The following RGS22 variants were observed in gnomAD, a reference collection of about 807,000 sequenced individuals.
RGS22 encodes the protein regulator of G-protein signaling 22.
Under a neutral mutation model 172.9 loss-of-function variants are expected in RGS22, and 148 were observed. The ratio of observed to expected loss-of-function variants is 0.86; its 90% CI spans 0.75 to 0.98. The LOEUF is 0.98. RGS22 is among the 50% of genes least tolerant of loss of function. RGS22 has a pLI of 0.00. For synonymous variants in RGS22, 458 were observed against 480.2 expected (o/e 0.95, Z 0.60); for missense variants, 1,347 against 1,440.8 (o/e 0.93, Z 1.05).
chr8:100,069,115 A>C (rs1287678671), intron 6 of RGS22, among the ~76,000 whole-genome samples: 1 of 152,192 alleles, frequency 6.6e-6, no homozygotes. Context: ...TAGCAGATGC[A>C]AATGAAAAAA....
chr8:100,070,279 A>G (rs1038304168), intron 6 of RGS22, among the ~76,000 whole-genome samples: 2 of 152,168 alleles, frequency 1.3e-5, no homozygotes, highest in Non-Finnish European at 2.9e-5. Context: ...ATTTTTATCA[A>G]TCCTTTGCTC....
At chr8:100,065,945 A>G (rs1030012150) in intron 7 of RGS22, among the ~76,000 whole-genome samples, 1 of 152,240 alleles carries the variant, frequency 6.6e-6, no homozygotes, top group African/African-American at 2.4e-5. Context: ...GGAAAAACTC[A>G]TCAAACATCA....
chr8:100,019,743 T>C (rs1033885519), intron 14 of RGS22, among the ~76,000 whole-genome samples: 2 of 152,054 alleles, frequency 1.3e-5, no homozygotes, highest in Non-Finnish European at 2.9e-5. Context: ...GACTAAAAAG[T>C]AAAAGAGGGA....
At position 99,978,034 on chromosome 8, in the gene RGS22, G is replaced by T. The variant is rs1302552458; in HGVS notation, c.3402C>A (p.Phe1134Leu). ...FGVLFKFWPQFCEFRKNLTDE... is the reference protein window; with the variant it reads ...FGVLFKFWPQLCEFRKNLTDE... ...CTGTTAAATTCTTCCTAAACTCACA[G>T]AACTGAGGCCAGAATTTAAACAGAA... Residue 1134 changes from phenylalanine to leucine, a missense_variant, in exon 23 of 28, where the codon TTC (phenylalanine) becomes TTA (leucine). Physicochemically the swap from Phe to Leu is conservative, Grantham distance 22 (BLOSUM62 0). Transcript: ENST00000360863. The T allele has an allele frequency of 6.5e-7, 1 of 1,534,700 alleles. No individual in the cohort carries two copies. The highest frequency in any genetic ancestry group is 2.5e-5 in the Admixed American group (1 of 40,686).
Position 99,978,081 on chromosome 8 carries a change from T to TAA in RGS22, c.3361-8_3361-7dup. ...AGAACCCCAAAAATTGTCATCTGTATAAAAAAAAGTCTAAGATTACAATTT... is the reference window on the plus strand; with the variant it reads ...AGAACCCCAAAAATTGTCATCTGTATAAAAAAAAAAGTCTAAGATTACAATTT... On this transcript the variant is annotated splice_polypyrimidine_tract_variant and splice_region_variant and intron_variant, in intron 22 of 27. Transcript: ENST00000360863. 6.7e-7 allele frequency: 1 copy of TAA among 1,493,598 alleles called. No homozygotes were observed. The highest frequency in any genetic ancestry group is 8.9e-7 in the Non-Finnish European group (1 of 1,126,970). The allele number at this position is 1,493,598 out of a possible 1,614,324, so 92.5% of individuals were successfully genotyped here.
At chr8:100,105,506 A>G (rs1471293) in intron 1 of RGS22, 104 bp from the exon 2 acceptor site, 549,519 of 922,706 alleles carry the variant, frequency 0.6, 167,363 homozygotes, top group African/African-American at 0.84. Context: ...ACACAGGCAA[A>G]CGTAGCACAT....
At chr8:100,012,978 A>ATTTTTTTTTTTTTTTTTTTTTTTTTTTTT (rs35339430) in intron 14 of RGS22, among the ~76,000 whole-genome samples, 2 of 88,746 alleles carry the variant, frequency 2.3e-5, no homozygotes, top group Non-Finnish European at 2.1e-5. Flanking sequence ...AACGCCTTTG[A>ATTTTTTTTTTTTTTTTTTTTTTTTTTTTT]TTTTTTTTTT....
chr8:100,099,151 T>C (rs1294854761), intron 2 of RGS22, among the ~76,000 whole-genome samples: 1 of 152,048 alleles, frequency 6.6e-6, no homozygotes, highest in Admixed American at 6.6e-5. Flanking sequence ...CCTGACTTCA[T>C]GATCCACCCG....
intron 23 of RGS22, among the ~76,000 whole-genome samples, chr8:99,965,731 A>C (rs1345879750): frequency 1.3e-5 from 2 of 152,170 alleles, no homozygotes; most frequent in African/African-American, 4.8e-5. Context: ...ATGAACATCC[A>C]TCCATATTTC....
At chr8:100,038,024 A>G (rs979972903) in intron 14 of RGS22, among the ~76,000 whole-genome samples, 2 of 152,204 alleles carry the variant, frequency 1.3e-5, no homozygotes, top group Non-Finnish European at 2.9e-5. Flanking sequence ...ACACTATGAT[A>G]CATCAAATAA....
rs911130215 is a variant in RGS22 at position 100,105,793 on chromosome 8, C to A, written c.25+104G>T. ...AGCCCTTTTTTCTCATGTCTGGGAG[C>A]GGGGATACCGCTAGGAGGGCAGGAG... On this transcript the variant is annotated intron_variant, in intron 1 of 27. Coordinates refer to ENST00000360863, the MANE Select transcript of RGS22 (RefSeq NM_015668.5). 10 of 1,004,106 alleles carry A rather than the reference C, an allele frequency of 1.0e-5. No homozygotes were observed. The African/African-American group carries it at 1.5e-4, about 16-fold the overall frequency. 62.2% of individuals were successfully genotyped at this position (1,004,106 alleles called of 1,614,324 possible).
intron 12 of RGS22, among the ~76,000 whole-genome samples, chr8:100,040,526 A>T (rs1236898228): frequency 6.6e-6 from 1 of 151,990 alleles, no homozygotes; most frequent in Non-Finnish European, 1.5e-5. Context: ...CTGCTCATTA[A>T]CTATCCTTAG....
chr8:100,089,738 C>A (rs1812428122), intron 3 of RGS22, among the ~76,000 whole-genome samples: 2 of 152,100 alleles, frequency 1.3e-5, no homozygotes, highest in African/African-American at 2.4e-5. Flanking sequence ...CTATTAATGA[C>A]CCCTAAAACC....
intron 20 of RGS22, among the ~76,000 whole-genome samples, chr8:99,989,750 C>G (rs923337270): frequency 2.6e-5 from 4 of 152,124 alleles, no homozygotes; most frequent in African/African-American, 9.7e-5. Context: ...GAGTTTGAGG[C>G]ACGAGACTTG....
intron 21 of RGS22, among the ~76,000 whole-genome samples, chr8:99,983,498 C>A (rs1017682473): frequency 1.3e-5 from 2 of 152,054 alleles, no homozygotes; most frequent in Non-Finnish European, 2.9e-5. Flanking sequence ...AATAGCCATT[C>A]TGATTGGTGT....
intron 23 of RGS22, among the ~76,000 whole-genome samples, chr8:99,969,579 T>C (rs984585540): frequency 1.3e-5 from 2 of 150,884 alleles, no homozygotes; most frequent in African/African-American, 4.9e-5. Flanking sequence ...GGGGTTGCAA[T>C]TCTAGTCTCT....
intron 9 of RGS22, among the ~76,000 whole-genome samples, chr8:100,059,565 AG>A (rs1809936820): frequency 6.6e-6 from 1 of 152,196 alleles, no homozygotes; most frequent in African/African-American, 2.4e-5. Flanking sequence ...ATAATGATAA[AG>A]GGGTCAATTC....
chr8:99,961,588 CAATT>C (rs2131058729), intron 27 of RGS22, among the ~76,000 whole-genome samples: 3 of 152,268 alleles, frequency 2.0e-5, no homozygotes, highest in South Asian at 4.1e-4. Flanking sequence ...AACTGTGAGT[CAATT>C]AAACCTCTTT....
intron 11 of RGS22, among the ~76,000 whole-genome samples, chr8:100,045,238 C>A (rs1422458938): frequency 6.6e-6 from 1 of 150,656 alleles, no homozygotes; most frequent in African/African-American, 2.4e-5. Flanking sequence ...CCAGTCTGGG[C>A]AAGAGAGTGA....
Sources: allele counts gnomAD v4.1 joint callset (sites outside exome capture counted in the v4.1 genomes callset), GRCh38; gene constraint gnomAD v4.1.1; transcripts MANE v1.5; gene names NCBI Gene and HGNC (gene_info 2026-07-23, HGNC 2026-07-21).